Variants in ZNF616 observed in about 807,000 individuals in gnomAD.
ZNF616 encodes the protein zinc finger protein 616.
A neutral mutation model predicts 7.6 loss-of-function variants in ZNF616; 5 were observed. That is an observed-to-expected ratio of 0.66 (90% CI 0.34 to 1.38). The LOEUF is 1.38. Ranked by LOEUF, ZNF616 falls within the 40% of genes most tolerant of loss-of-function variation. The pLI is 0.04. For missense variants in ZNF616, 913 were observed against 948.3 expected (o/e 0.96, Z 0.49); for synonymous variants, 319 against 317.2 (o/e 1.01, Z -0.06).
At position 52,116,854 on chromosome 19, in the gene ZNF616, C is replaced by T. The variant is rs752968021; in HGVS notation, c.310G>A (p.Gly104Ser). ...GGCACTTCTTTATCATTTGTTTCACCATCTTTCCATTGAAATTCAAGGTCA... is the reference window on the plus strand; with the variant it reads ...GGCACTTCTTTATCATTTGTTTCACTATCTTTCCATTGAAATTCAAGGTCA... ...LHDLEFQWKD[G>S]ETNDKEVPVP... The change falls in exon 4 of 4, where the codon GGT becomes AGT. Residue 104 changes from glycine (G) to serine (S), a missense_variant. Gly to Ser is a moderately conservative substitution (Grantham distance 56). Transcript: ENST00000600228. 2 of 1,613,532 alleles carry T rather than the reference C, an allele frequency of 1.2e-6. No homozygotes were observed. The highest frequency in any genetic ancestry group is 2.7e-5 in the African/African-American group (2 of 74,896).
chr19:52,115,636 C>T lies in ZNF616; in HGVS notation c.1528G>A (p.Val510Met), dbSNP rs751915416. 1.2e-6 allele frequency: 2 copies of T among 1,613,842 alleles called. No homozygotes were observed. The highest frequency in any genetic ancestry group is 2.2e-5 in the South Asian group (2 of 91,068). Reference sequence around the variant, plus strand: ...TCTCCAGTATGAATTCTCCGATGCACTGCAAGACGTGAATGTTGACTGAAG... The same window carrying T: ...TCTCCAGTATGAATTCTCCGATGCATTGCAAGACGTGAATGTTGACTGAAG... ...KVFSQHSRLA[V>M]HRRIHTGEKP... The change falls in exon 4 of 4, where the codon GTG becomes ATG. Residue 510 changes from valine (V) to methionine (M), a missense_variant. Coordinates refer to ENST00000600228, the MANE Select transcript of ZNF616 (RefSeq NM_178523.5).
At position 52,116,628 on chromosome 19, in the gene ZNF616, T is replaced by C. The variant is rs1019945051; in HGVS notation, c.536A>G (p.His179Arg). 1.2e-6 allele frequency: 2 copies of C among 1,613,974 alleles called. No individual in the cohort carries two copies. Among genetic ancestry groups the C allele is most frequent in the South Asian group, 2.2e-5 (2 of 91,070 alleles). The change falls in exon 4 of 4, where the codon CAC (histidine) becomes CGC (arginine). Residue 179 changes from histidine (H) to arginine (R), a missense_variant. By Grantham distance (29) the His-to-Arg change is conservative. Coordinates refer to ENST00000600228, the MANE Select transcript of ZNF616 (RefSeq NM_178523.5). ...ACATACATACGTTTTTTCCCTAATG[T>C]GTGGAGAAACTAAACAACCATTATT... ...TGNNGCLVSP[H>R]IREKTYVCNE... is the part of the protein sequence containing the mutation.
chr19:52,130,232 T>A (rs1041022727), intron 2 of ZNF616, among the ~76,000 whole-genome samples: 5 of 152,048 alleles, frequency 3.3e-5, no homozygotes, highest in Admixed American at 2.0e-4. Context: ...CCTCACCCCA[T>A]CTCCATCCAT....
Position 52,113,813 on chromosome 19 carries a change from T to C in ZNF616, c.*1005A>G, listed in dbSNP as rs1471835733. On this transcript the variant is annotated 3_prime_UTR_variant, in exon 4 of 4. Coordinates refer to ENST00000600228, the MANE Select transcript of ZNF616 (RefSeq NM_178523.5). ...GATCTCATTCCTTTCTATGGCTGCA[T>C]AGTATCCCATGGTGTATATGTACCA... is the stretch of plus-strand genomic sequence containing the variant. 2 of 149,730 alleles carry C rather than the reference T, an allele frequency of 1.3e-5. No individual in the cohort carries two copies. Among genetic ancestry groups the C allele is most frequent in the African/African-American group, 5.1e-5 (2 of 39,086 alleles). 9.3% of individuals were successfully genotyped at this position (149,730 alleles called of 1,614,324 possible). A position where few individuals can be genotyped will look rare whatever the true frequency, so the allele number is the denominator to read the frequency against.
intron 3 of ZNF616, among the ~76,000 whole-genome samples, chr19:52,119,631 A>G (rs10423034): frequency 0.27 from 41,214 of 151,992 alleles, 9,666 homozygotes; most frequent in African/African-American, 0.63. Flanking sequence ...GCAGAGCTGT[A>G]GGTATATAAT....
chr19:52,113,469 A>C lies in ZNF616; in HGVS notation c.*1349T>G, dbSNP rs1454206038. ...TGGACATTGGTTTTGTCTCACTTTA[A>C]GTTCTGGGTACATGTGCACAATTTG... On this transcript the variant is annotated 3_prime_UTR_variant, in exon 4 of 4. Transcript: ENST00000600228. The C allele has an allele frequency of 6.6e-6, 1 of 152,182 alleles. No individual in the cohort carries two copies. The highest frequency in any genetic ancestry group is 1.5e-5 in the Non-Finnish European group (1 of 68,036). 9.4% of individuals were successfully genotyped at this position (152,182 alleles called of 1,614,324 possible).
At chr19:52,132,018 G>A (rs2088964679) in intron 1 of ZNF616, among the ~76,000 whole-genome samples, 1 of 152,112 alleles carries the variant, frequency 6.6e-6, no homozygotes, top group South Asian at 2.1e-4. Context: ...GAGGTCCCGA[G>A]GCAGCAGATC....
intron 3 of ZNF616, among the ~76,000 whole-genome samples, chr19:52,123,563 C>T (rs1318469244): frequency 1.3e-5 from 2 of 152,102 alleles, no homozygotes; most frequent in Non-Finnish European, 2.9e-5. Context: ...GCCCAGGAGA[C>T]AGAGATTGCA....
Position 52,115,624 on chromosome 19 carries a change from T to C in ZNF616, c.1540A>G (p.Ile514Val), listed in dbSNP as rs141090294. The stretch of plus-strand genomic sequence containing the variant: ...TTGTAAGGTTTCTCTCCAGTATGAA[T>C]TCTCCGATGCACTGCAAGACGTGAA... ...QHSRLAVHRR[I>V]HTGEKPYKCK... The change falls in exon 4 of 4, where the codon ATT becomes GTT. Residue 514 changes from isoleucine (I) to valine (V), a missense_variant. Physicochemically the swap from Ile to Val is conservative, Grantham distance 29 (BLOSUM62 3). Transcript: ENST00000600228. 415 of 1,613,856 alleles carry C rather than the reference T, an allele frequency of 2.6e-4. No homozygotes were observed. The highest frequency in any genetic ancestry group is 3.3e-4 in the Non-Finnish European group (390 of 1,179,992).
intron 3 of ZNF616, among the ~76,000 whole-genome samples, chr19:52,119,188 C>T (rs1443831145): frequency 6.6e-6 from 1 of 151,944 alleles, no homozygotes; most frequent in Non-Finnish European, 1.5e-5. Context: ...ACCAGCCCGG[C>T]CAAGATGATG....
intron 2 of ZNF616, among the ~76,000 whole-genome samples, chr19:52,125,465 T>G (rs776080771): frequency 1.3e-5 from 2 of 152,198 alleles, no homozygotes; most frequent in Non-Finnish European, 2.9e-5. Flanking sequence ...GCACACATAT[T>G]AAATCTTAAG....
At chr19:52,137,348 G>A (rs932999710) in intron 1 of ZNF616, among the ~76,000 whole-genome samples, 17 of 150,938 alleles carry the variant, frequency 1.1e-4, no homozygotes, top group Admixed American at 4.6e-4. Flanking sequence ...GTGTGAACCC[G>A]GGAGGCGGAG....
rs140950991 is a variant in ZNF616 at position 52,130,908 on chromosome 19, C to T, written c.-76-320G>A. On this transcript the variant is annotated intron_variant, in intron 1 of 3. Transcript: ENST00000600228. ...AGCCCCCCGTCACCTCTGTGGGTCACAGGCTGAGCTCTGCCCTCGGAAATG... is the reference window on the plus strand; with the variant it reads ...AGCCCCCCGTCACCTCTGTGGGTCATAGGCTGAGCTCTGCCCTCGGAAATG... 7.0e-4 allele frequency among the ~76,000 whole-genome samples: 107 copies of T among 152,380 alleles called. 2 individuals carry two copies. The East Asian group carries it at 0.02, about 28-fold the overall frequency.
At position 52,116,102 on chromosome 19, in the gene ZNF616, T is replaced by G. The variant is rs1290347281; in HGVS notation, c.1062A>C (p.Lys354Asn). ...TGAATGCCTTGCCACATACATCACA[T>G]TTATATGGTTTCTTTCCTGCATGGA... ...QVIHAGKKPYKCDVCGKAFRH... is the reference protein window; with the variant it reads ...QVIHAGKKPYNCDVCGKAFRH... The change falls in exon 4 of 4, where the codon AAA becomes AAC. Residue 354 changes from lysine to asparagine, a missense_variant. Transcript: ENST00000600228. 5.0e-6 allele frequency: 8 copies of G among 1,614,160 alleles called. No homozygotes were observed. The highest frequency in any genetic ancestry group is 6.8e-6 in the Non-Finnish European group (8 of 1,180,022).
chr19:52,133,389 A>G (rs2088976712), intron 1 of ZNF616, among the ~76,000 whole-genome samples: 1 of 152,184 alleles, frequency 6.6e-6, no homozygotes, highest in African/African-American at 2.4e-5. Flanking sequence ...GTTACACTTT[A>G]TAATAGGCCA....
intron 1 of ZNF616, among the ~76,000 whole-genome samples, chr19:52,131,513 G>A (rs1016389578): frequency 6.6e-5 from 10 of 152,134 alleles, no homozygotes; most frequent in African/African-American, 2.4e-4. Context: ...GAAAGTGGAA[G>A]GCAAAGGGCC....
rs1470988895 is a variant in ZNF616 at position 52,116,759 on chromosome 19, A to G, written c.405T>C (p.His135=). The change falls in exon 4 of 4, where the codon CAT becomes CAC. Residue 135 remains histidine (H), a synonymous_variant. Transcript: ENST00000600228. The part of the protein sequence containing the change: ...QHSQGDVENN[H]IENQLTSNFE... ...AGTTTGATGTAAGCTGGTTTTCAAT[A>G]TGATTGTTTTCTACATCCCCTTGAC... 2 of 1,614,120 alleles carry G rather than the reference A, an allele frequency of 1.2e-6. No homozygotes were observed. Among genetic ancestry groups the G allele is most frequent in the Non-Finnish European group, 1.7e-6 (2 of 1,180,014 alleles).
intron 3 of ZNF616, among the ~76,000 whole-genome samples, chr19:52,122,099 CA>C (rs34759277): frequency 0.075 from 9,732 of 130,414 alleles, 531 homozygotes; most frequent in South Asian, 0.29. Context: ...GCACTTGTTC[CA>C]AAAAAAAAAA....
intron 1 of ZNF616, among the ~76,000 whole-genome samples, chr19:52,135,520 G>A (rs2088999796): frequency 6.6e-6 from 1 of 152,108 alleles, no homozygotes; most frequent in African/African-American, 2.4e-5. Flanking sequence ...AGCCCCCAAA[G>A]TGATGGACCC....
Sources: allele counts gnomAD v4.1 joint callset (sites outside exome capture counted in the v4.1 genomes callset), GRCh38; gene constraint gnomAD v4.1.1; transcripts MANE v1.5; gene names NCBI Gene and HGNC (gene_info 2026-07-23, HGNC 2026-07-21).